SDK1: variants seen among roughly 807,000 people sequenced by gnomAD.
SDK1 encodes sidekick cell adhesion molecule 1, also known as protein sidekick-1.
SDK1 carries 157 observed loss-of-function variants against 245.5 expected under a neutral mutation model. The observed-to-expected ratio is 0.64, with a 90% CI of 0.56 to 0.73. The LOEUF is 0.73. Ranked by LOEUF, SDK1 falls within the 30% of genes least tolerant of loss-of-function variation. The pLI is 0.00. For missense variants in SDK1, 3,583 were observed against 3,002.3 expected (o/e 1.19, Z -4.52); for synonymous variants, 1,647 against 1,278.5 (o/e 1.29, Z -6.15).
At chr7:3,986,861 T>TA (rs1308916972) in intron 13 of SDK1, among the ~76,000 whole-genome samples, 1 of 152,114 alleles carries the variant, frequency 6.6e-6, no homozygotes, top group Non-Finnish European at 1.5e-5. Context: ...CTTGGTCTTA[T>TA]AAAAAACAGA....
At chr7:3,940,319 T>G (rs935341796) in intron 5 of SDK1, among the ~76,000 whole-genome samples, 10 of 152,216 alleles carry the variant, frequency 6.6e-5, no homozygotes, top group Non-Finnish European at 1.3e-4. Flanking sequence ...TTGGTGGAGG[T>G]CAGGACTTCT....
At chr7:3,369,497 A>G (rs1362783366) in intron 1 of SDK1, among the ~76,000 whole-genome samples, 1 of 152,180 alleles carries the variant, frequency 6.6e-6, no homozygotes, top group African/African-American at 2.4e-5. Context: ...AAGCTTGCCA[A>G]CTCTTACATA....
At chr7:4,161,878 C>T (rs142068935) in intron 32 of SDK1, 22 bp downstream of exon 32, 19 of 1,605,432 alleles carry the variant, frequency 1.2e-5, no homozygotes, top group Admixed American at 6.7e-5. Context: ...GGGAATCACG[C>T]GCGTTTTGTC....
Position 3,951,763 on chromosome 7 carries a change from G to A in SDK1, c.993G>A (p.Arg331=). The change falls in exon 7 of 45, where the codon AGG becomes AGA. Residue 331 remains arginine (R), a synonymous_variant. Transcript: ENST00000404826. ...AGGACCTGAGTGTGACCTGGAAGAGGAATGGAGTGAGAATCACCAGTGGCC... is the reference window on the plus strand; with the variant it reads ...AGGACCTGAGTGTGACCTGGAAGAGAAATGGAGTGAGAATCACCAGTGGCC... ...PVEDLSVTWK[R]NGVRITSGLH... The A allele has an allele frequency of 2.5e-6, 4 of 1,613,768 alleles. No individual in the cohort carries two copies. Among genetic ancestry groups the A allele is most frequent in the Non-Finnish European group, 3.4e-6 (4 of 1,180,020 alleles).
At chr7:3,683,797 C>G (rs1191313104) in intron 4 of SDK1, among the ~76,000 whole-genome samples, 1 of 152,196 alleles carries the variant, frequency 6.6e-6, no homozygotes, top group Non-Finnish European at 1.5e-5. Context: ...TAACAAGGAG[C>G]TGTAAAAACC....
At chr7:3,724,442 A>G (rs1778948415) in intron 4 of SDK1, among the ~76,000 whole-genome samples, 1 of 152,132 alleles carries the variant, frequency 6.6e-6, no homozygotes, top group Non-Finnish European at 1.5e-5. Flanking sequence ...AATAGTTGTT[A>G]TTCTATTGTA....
intron 4 of SDK1, among the ~76,000 whole-genome samples, chr7:3,737,955 T>G (rs185151932): frequency 2.4e-4 from 36 of 152,298 alleles, no homozygotes; most frequent in Non-Finnish European, 4.7e-4. Flanking sequence ...GTCCAAGGGG[T>G]TGGTTCTGCC....
At chr7:3,612,763 G>T (rs1180757355) in intron 1 of SDK1, among the ~76,000 whole-genome samples, 1 of 152,130 alleles carries the variant, frequency 6.6e-6, no homozygotes, top group African/African-American at 2.4e-5. Flanking sequence ...GTAATAACCT[G>T]CCCTGGCTGA....
intron 1 of SDK1, among the ~76,000 whole-genome samples, chr7:3,564,068 TTAAA>T (rs1232865472): frequency 6.6e-6 from 1 of 152,034 alleles, no homozygotes; most frequent in Admixed American, 6.5e-5. Context: ...ACTTTATAGC[TTAAA>T]TAAACATAGT....
intron 1 of SDK1, among the ~76,000 whole-genome samples, chr7:3,596,262 T>G (rs570909376): frequency 6.6e-6 from 1 of 152,054 alleles, no homozygotes; most frequent in Non-Finnish European, 1.5e-5. Flanking sequence ...TAAACAGTAA[T>G]AGGAGAAATG....
At chr7:3,818,044 C>T (rs994813663) in intron 4 of SDK1, among the ~76,000 whole-genome samples, 5 of 152,302 alleles carry the variant, frequency 3.3e-5, no homozygotes, top group East Asian at 1.9e-4. Flanking sequence ...TTCTCCCGAG[C>T]GGCAGCTCAT....
At chr7:4,242,672 A>G (rs1786604079) in intron 43 of SDK1, among the ~76,000 whole-genome samples, 1 of 152,168 alleles carries the variant, frequency 6.6e-6, no homozygotes, top group Admixed American at 6.5e-5. Flanking sequence ...ATCGGGGTGG[A>G]GGAGGCTTCT....
intron 1 of SDK1, 39 bp from the exon 2 acceptor site, chr7:3,619,041 T>A (rs1473747184): frequency 5.4e-5 from 80 of 1,477,432 alleles, no homozygotes; most frequent in Non-Finnish European, 7.1e-5. Context: ...CTTTCATGCG[T>A]ACTTCAGTTT....
chr7:3,553,496 G>T (rs1347667404), intron 1 of SDK1, among the ~76,000 whole-genome samples: 1 of 152,122 alleles, frequency 6.6e-6, no homozygotes, highest in Non-Finnish European at 1.5e-5. Context: ...CAATGGCAGG[G>T]CATCTCACAT....
At chr7:3,526,156 C>T (rs954561334) in intron 1 of SDK1, among the ~76,000 whole-genome samples, 19 of 151,972 alleles carry the variant, frequency 1.3e-4, no homozygotes, top group Non-Finnish European at 2.8e-4. Flanking sequence ...TTGCTTGAAC[C>T]CAGGAGGTGG....
At chr7:4,083,777 T>C (rs1466991507) in intron 22 of SDK1, among the ~76,000 whole-genome samples, 4 of 4,322 alleles carry the variant, frequency 9.3e-4, no homozygotes, top group Middle Eastern at 0.062. Flanking sequence ...CTCCCTTCTT[T>C]CCTCCCTCCT....
At chr7:3,304,743 T>C (rs562632654) in intron 1 of SDK1, among the ~76,000 whole-genome samples, 16 of 152,186 alleles carry the variant, frequency 1.1e-4, no homozygotes, top group African/African-American at 2.2e-4. Context: ...ACTTATTACC[T>C]TGTGTTTCCC....
At chr7:4,151,626 C>T (rs940354069) in intron 30 of SDK1, among the ~76,000 whole-genome samples, 1 of 152,192 alleles carries the variant, frequency 6.6e-6, no homozygotes, top group Non-Finnish European at 1.5e-5. Context: ...TTCACCACCA[C>T]CACCGCCATC....
chr7:4,233,226 C>G, intron 40 of SDK1, 29 bp from the exon 41 acceptor site: 1 of 1,602,722 alleles, frequency 6.2e-7, no homozygotes, highest in Non-Finnish European at 8.5e-7. Flanking sequence ...CTTCTAACCT[C>G]TGCTCTCGCC....
Sources: gnomAD v4.1 joint callset for allele counts (sites outside exome capture counted in the v4.1 genomes callset) on GRCh38, gnomAD v4.1.1 for gene constraint, MANE v1.5 for transcripts, NCBI Gene and HGNC (gene_info 2026-07-23, HGNC 2026-07-21) for gene names.